ERBB4: variants seen among roughly 807,000 people sequenced by gnomAD.
ERBB4 encodes receptor tyrosine-protein kinase erbB-4.
A neutral mutation model predicts 158.0 loss-of-function variants in ERBB4; 42 were observed. The ratio of observed to expected loss-of-function variants is 0.27; its 90% confidence interval spans 0.21 to 0.34. ERBB4 has a LOEUF of 0.34. Among genes scored for constraint, ERBB4 ranks in the 10% least tolerant of loss-of-function variants. ERBB4 has a pLI of 1.00. For synonymous variants in ERBB4, 583 were observed against 558.7 expected (o/e 1.04, Z -0.61); for missense variants, 1,333 against 1,624.1 (o/e 0.82, Z 3.08).
chr2:211,465,272 T>C (rs2125511988), intron 20 of ERBB4, among the ~76,000 whole-genome samples: 1 of 150,980 alleles, frequency 6.6e-6, no homozygotes, highest in East Asian at 1.9e-4. Flanking sequence ...TGACCTCAGC[T>C]GAATGCATGA....
intron 2 of ERBB4, among the ~76,000 whole-genome samples, chr2:212,062,130 C>G (rs553434214): frequency 2.6e-5 from 4 of 152,266 alleles, no homozygotes; most frequent in African/African-American, 4.8e-5. Context: ...GAGTAGCCAT[C>G]AGAATCTATT....
chr2:211,611,746 T>G (rs542169751), intron 19 of ERBB4, among the ~76,000 whole-genome samples: 2 of 152,284 alleles, frequency 1.3e-5, no homozygotes, highest in African/African-American at 4.8e-5. Context: ...GATGCACGTT[T>G]TAGCTGGAGA....
At chr2:212,230,292 G>T (rs1409766296) in intron 1 of ERBB4, among the ~76,000 whole-genome samples, 6 of 151,670 alleles carry the variant, frequency 4.0e-5, no homozygotes, top group Non-Finnish European at 7.4e-5. Context: ...TGAAAAAAAA[G>T]GAAAAAGAAT....
intron 3 of ERBB4, among the ~76,000 whole-genome samples, chr2:211,806,142 T>C (rs1470510466): frequency 6.6e-6 from 1 of 151,930 alleles, no homozygotes; most frequent in Non-Finnish European, 1.5e-5. Context: ...ACAAAATAAA[T>C]GCCTAGATGT....
chr2:211,776,331 T>C lies in ERBB4; in HGVS notation c.556+11694A>G, dbSNP rs72948526. Among the ~76,000 whole-genome samples, 1,301 of 152,302 alleles carry C rather than the reference T, an allele frequency of 8.5e-3. 10 individuals are homozygous for C. The highest frequency in any genetic ancestry group is 0.014 in the Non-Finnish European group (978 of 68,024). ...TGGCTGGCATGAAGTTAACCAACCCTAAATATTAGTAAAGCTCAGTCAAGC... is the reference window on the plus strand; with the variant it reads ...TGGCTGGCATGAAGTTAACCAACCCCAAATATTAGTAAAGCTCAGTCAAGC... On this transcript the variant is annotated intron_variant, in intron 4 of 27. Transcript: ENST00000342788.
intron 1 of ERBB4, among the ~76,000 whole-genome samples, chr2:212,507,824 T>C (rs1271509397): frequency 6.6e-6 from 1 of 152,222 alleles, no homozygotes; most frequent in East Asian, 1.9e-4. Context: ...TACAATACTA[T>C]ATAAACTCAG....
chr2:211,631,993 TA>T (rs562757262), intron 16 of ERBB4, among the ~76,000 whole-genome samples: 56 of 151,994 alleles, frequency 3.7e-4, no homozygotes, highest in African/African-American at 8.7e-4. Flanking sequence ...AAAAAGCTCA[TA>T]AAAAAAATCT....
At chr2:211,527,973 A>G (rs2066396286) in intron 20 of ERBB4, among the ~76,000 whole-genome samples, 1 of 152,088 alleles carries the variant, frequency 6.6e-6, no homozygotes, top group Non-Finnish European at 1.5e-5. Flanking sequence ...CAAAACAACC[A>G]GAAAACAAAT....
chr2:212,428,088 A>G (rs2091953595), intron 1 of ERBB4, among the ~76,000 whole-genome samples: 1 of 152,166 alleles, frequency 6.6e-6, no homozygotes, highest in Admixed American at 6.6e-5. Flanking sequence ...TATATAAATA[A>G]AACTGACAAA....
At chr2:212,192,067 A>ATATGT (rs1231025163) in intron 1 of ERBB4, among the ~76,000 whole-genome samples, 1 of 89,048 alleles carries the variant, frequency 1.1e-5, no homozygotes, top group Non-Finnish European at 2.5e-5. Context: ...TATATATGTT[A>ATATGT]TATGTTATAT....
intron 20 of ERBB4, among the ~76,000 whole-genome samples, chr2:211,518,622 C>G (rs1028244113): frequency 1.3e-5 from 2 of 151,700 alleles, no homozygotes; most frequent in African/African-American, 2.4e-5. Context: ...CCACTGCCCT[C>G]TAGCCTGGGT....
At chr2:211,538,841 T>G (rs190589224) in intron 20 of ERBB4, among the ~76,000 whole-genome samples, 19 of 151,998 alleles carry the variant, frequency 1.3e-4, no homozygotes, top group African/African-American at 4.6e-4. Flanking sequence ...GTGTATGTTG[T>G]GGGACAGAAA....
intron 16 of ERBB4, among the ~76,000 whole-genome samples, chr2:211,644,979 G>A (rs532301646): frequency 6.6e-5 from 10 of 151,944 alleles, no homozygotes; most frequent in South Asian, 2.1e-4. Flanking sequence ...TTAGAGCCAC[G>A]GGGGAGGAGA....
At chr2:211,775,803 T>C (rs2075858478) in intron 4 of ERBB4, among the ~76,000 whole-genome samples, 1 of 152,222 alleles carries the variant, frequency 6.6e-6, no homozygotes, top group African/African-American at 2.4e-5. Flanking sequence ...ACAAAGGTTT[T>C]CATGAGATTT....
At chr2:211,524,642 G>A (rs933106868) in intron 20 of ERBB4, among the ~76,000 whole-genome samples, 5 of 88 alleles carry the variant, frequency 0.057, no homozygotes, top group Non-Finnish European at 0.087. Context: ...CTCATTGCCC[G>A]GGGCCGGCAG....
At chr2:212,471,817 G>T (rs1689131851) in intron 1 of ERBB4, among the ~76,000 whole-genome samples, 1 of 151,758 alleles carries the variant, frequency 6.6e-6, no homozygotes, top group Non-Finnish European at 1.5e-5. Flanking sequence ...AATAATAATT[G>T]TTTTCTGTTT....
chr2:211,495,981 T>C (rs906509568), intron 20 of ERBB4, among the ~76,000 whole-genome samples: 1 of 152,066 alleles, frequency 6.6e-6, no homozygotes, highest in African/African-American at 2.4e-5. Flanking sequence ...GATAAATATG[T>C]TGATCCCTTT....
intron 1 of ERBB4, among the ~76,000 whole-genome samples, chr2:212,452,097 T>C (rs2092454525): frequency 6.7e-6 from 1 of 150,362 alleles, no homozygotes; most frequent in South Asian, 2.1e-4. Context: ...GTGGGAAAAA[T>C]GTCATGAGTA....
chr2:211,857,695 C>T (rs761577233), intron 3 of ERBB4, among the ~76,000 whole-genome samples: 4 of 152,088 alleles, frequency 2.6e-5, no homozygotes, highest in Non-Finnish European at 5.9e-5. Context: ...AATTTGAATA[C>T]AATTTACCTA....
Sources: gnomAD v4.1 joint callset for allele counts (sites outside exome capture counted in the v4.1 genomes callset) on GRCh38, gnomAD v4.1.1 for gene constraint, MANE v1.5 for transcripts, NCBI Gene and HGNC (gene_info 2026-07-23, HGNC 2026-07-21) for gene names.